ASIC2: variants seen among roughly 807,000 people sequenced by gnomAD.
The protein encoded by ASIC2 is acid-sensing ion channel 2.
Under a neutral mutation model 57.3 loss-of-function variants are expected in ASIC2, and 25 were observed. The ratio of observed to expected loss-of-function variants is 0.44; its 90% CI spans 0.32 to 0.61. The LOEUF is 0.61. Ranked by LOEUF, ASIC2 falls within the 20% of genes least tolerant of loss-of-function variation. The pLI is 0.06. For missense variants in ASIC2, 641 were observed against 738.1 expected (o/e 0.87, Z 1.52); for synonymous variants, 319 against 307.5 (o/e 1.04, Z -0.39).
At chr17:33,912,924 A>T (rs1253206008) in intron 1 of ASIC2, among the ~76,000 whole-genome samples, 2 of 152,058 alleles carry the variant, frequency 1.3e-5, no homozygotes, top group African/African-American at 4.8e-5. Context: ...GGTTGCAGTG[A>T]GCCAAGATTT....
In ASIC2 at chr17:33,223,060, G is replaced by A. The variant is rs140934223; in HGVS notation, c.708+68348C>T. Among the ~76,000 whole-genome samples the A allele has an allele frequency of 2.1e-4, 32 of 152,304 alleles. No homozygotes were observed. In the East Asian group the frequency reaches 4.2e-3, roughly 20 times the overall value. ...ACCAGAGAGCCATGTTCAGAAAAACGCTTTGATGTACTAAAAGGCCTAATT... is the reference window on the plus strand; with the variant it reads ...ACCAGAGAGCCATGTTCAGAAAAACACTTTGATGTACTAAAAGGCCTAATT... On this transcript the variant is annotated intron_variant, in intron 1 of 9. Transcript: ENST00000225823.
intron 1 of ASIC2, chr17:33,534,510 A>G (rs1201915739): frequency 6.6e-6 from 1 of 152,208 alleles, no homozygotes; most frequent in Non-Finnish European, 1.5e-5. Context: ...TGTCCTATGC[A>G]GCCTTCAAAG....
intron 3 of ASIC2, among the ~76,000 whole-genome samples, chr17:33,066,527 TA>T (rs1293398621): frequency 2.0e-5 from 3 of 152,262 alleles, no homozygotes; most frequent in East Asian, 3.9e-4. Flanking sequence ...GATTTTCGGC[TA>T]AAAACTCAGC....
chr17:33,580,731 C>T (rs1407767770), intron 1 of ASIC2, among the ~76,000 whole-genome samples: 4 of 152,096 alleles, frequency 2.6e-5, no homozygotes, highest in Admixed American at 1.3e-4. Context: ...ACTCTTGCTG[C>T]GTCTCAGCTA....
chr17:33,384,036 A>G (rs1909583323), intron 1 of ASIC2, among the ~76,000 whole-genome samples: 1 of 152,024 alleles, frequency 6.6e-6, no homozygotes, highest in South Asian at 2.1e-4. Context: ...AGGAAGGAAG[A>G]GATTGTCTCC....
chr17:33,612,832 T>G (rs1197164892), intron 1 of ASIC2, among the ~76,000 whole-genome samples: 1 of 152,174 alleles, frequency 6.6e-6, no homozygotes, highest in Non-Finnish European at 1.5e-5. Context: ...AATTTGGGAT[T>G]TATTTGTTAT....
chr17:33,448,918 A>G (rs1163137854), intron 1 of ASIC2, among the ~76,000 whole-genome samples: 2 of 152,160 alleles, frequency 1.3e-5, no homozygotes, highest in African/African-American at 2.4e-5. Context: ...AAAAGAACAC[A>G]GATCAGGAGA....
intron 1 of ASIC2, among the ~76,000 whole-genome samples, chr17:33,148,516 C>T (rs950973586): frequency 1.1e-4 from 16 of 152,148 alleles, no homozygotes; most frequent in African/African-American, 3.4e-4. Flanking sequence ...ATCCTAGGGC[C>T]GGAGGTCAAA....
At chr17:33,078,373 A>G (rs2092098225) in intron 3 of ASIC2, among the ~76,000 whole-genome samples, 1 of 152,218 alleles carries the variant, frequency 6.6e-6, no homozygotes, top group Non-Finnish European at 1.5e-5. Flanking sequence ...CCAGGTCTCA[A>G]TAAAAAGACT....
In ASIC2 at chr17:33,439,221, A is replaced by G. The variant is rs547569456; in HGVS notation, c.556-327154T>C. 3.3e-5 allele frequency among the ~76,000 whole-genome samples: 5 copies of G among 152,358 alleles called. No homozygotes were observed. In the East Asian group the frequency reaches 7.7e-4, roughly 24 times the overall value. On this transcript the variant is annotated intron_variant, in intron 1 of 9. Transcript: ENST00000359872. ...CTTTCAATTTAGACACCTGGCTGATACCATGATCTAAGTCAATGTCATAAT... is the reference window on the plus strand; with the variant it reads ...CTTTCAATTTAGACACCTGGCTGATGCCATGATCTAAGTCAATGTCATAAT...
intron 1 of ASIC2, among the ~76,000 whole-genome samples, chr17:33,733,056 C>T (rs1210250577): frequency 6.6e-6 from 1 of 152,122 alleles, no homozygotes; most frequent in East Asian, 1.9e-4. Flanking sequence ...CTTTGGTATC[C>T]TTTGATTGTT....
chr17:33,766,165 C>T (rs1022785234), intron 1 of ASIC2, among the ~76,000 whole-genome samples: 14 of 152,204 alleles, frequency 9.2e-5, no homozygotes, highest in African/African-American at 3.4e-4. Flanking sequence ...AGAGAGGCCA[C>T]ATTTACATAA....
chr17:33,948,653 C>T (rs1904461942), intron 1 of ASIC2, among the ~76,000 whole-genome samples: 1 of 152,174 alleles, frequency 6.6e-6, no homozygotes, highest in African/African-American at 2.4e-5. Flanking sequence ...CAAGAGCTGC[C>T]CTGGCTTCCC....
At chr17:33,342,469 G>A (rs1263217557) in intron 1 of ASIC2, among the ~76,000 whole-genome samples, 1 of 152,060 alleles carries the variant, frequency 6.6e-6, no homozygotes, top group Non-Finnish European at 1.5e-5. Context: ...CATGCATGTG[G>A]TATGTATATG....
intron 1 of ASIC2, among the ~76,000 whole-genome samples, chr17:33,958,993 G>A (rs375466251): frequency 4.6e-5 from 7 of 152,156 alleles, no homozygotes; most frequent in Non-Finnish European, 4.4e-5. Flanking sequence ...AATGCCACCA[G>A]TCTCTTTGCA....
At chr17:33,080,202 T>C (rs1297528441) in intron 3 of ASIC2, among the ~76,000 whole-genome samples, 4 of 151,324 alleles carry the variant, frequency 2.6e-5, no homozygotes, top group Non-Finnish European at 4.4e-5. Flanking sequence ...CAAGGCAGAG[T>C]GGGCAGGGAG....
intron 1 of ASIC2, among the ~76,000 whole-genome samples, chr17:34,133,057 A>G (rs1912037750): frequency 6.6e-6 from 1 of 152,216 alleles, no homozygotes; most frequent in Non-Finnish European, 1.5e-5. Flanking sequence ...GCAGAAGAGA[A>G]CTACCAAGTA....
At chr17:33,194,917 T>C (rs548297153) in intron 1 of ASIC2, among the ~76,000 whole-genome samples, 2 of 152,102 alleles carry the variant, frequency 1.3e-5, no homozygotes, top group Admixed American at 6.6e-5. Flanking sequence ...GTGGGAAACT[T>C]TGGGGAAAGA....
intron 1 of ASIC2, among the ~76,000 whole-genome samples, chr17:33,341,370 C>T (rs985484679): frequency 2.6e-5 from 4 of 152,172 alleles, no homozygotes; most frequent in African/African-American, 9.7e-5. Context: ...CCAATCCAAG[C>T]CACTTTGGAG....
Sources: allele counts gnomAD v4.1 joint callset (sites outside exome capture counted in the v4.1 genomes callset), GRCh38; gene constraint gnomAD v4.1.1; transcripts MANE v1.5; gene names NCBI Gene and HGNC (gene_info 2026-07-23, HGNC 2026-07-21).